COL25A1: variants seen among roughly 807,000 people sequenced by gnomAD.
COL25A1 encodes collagen type XXV alpha 1 chain.
A neutral mutation model predicts 128.4 loss-of-function variants in COL25A1; 103 were observed. The ratio of observed to expected loss-of-function variants is 0.80; its 90% CI spans 0.68 to 0.94. The LOEUF (loss-of-function observed/expected upper bound fraction) is 0.94, where lower values mean the gene tolerates loss of function less well. Among genes scored for constraint, COL25A1 ranks in the 40% least tolerant of loss-of-function variants. The probability of loss-of-function intolerance (pLI) is 0.00; values close to 1 mark genes in which losing one functional copy is unlikely to be tolerated. For missense variants in COL25A1, 745 were observed against 840.0 expected (o/e 0.89, Z 1.40); for synonymous variants, 279 against 277.2 (o/e 1.01, Z -0.06).
At chr4:109,063,736 A>G (rs1001533647) in intron 3 of COL25A1, among the ~76,000 whole-genome samples, 14 of 152,118 alleles carry the variant, frequency 9.2e-5, no homozygotes, top group African/African-American at 3.4e-4. Context: ...ATGAGACTAC[A>G]TTCACCGGAA....
chr4:108,992,853 A>T (rs994260740), intron 6 of COL25A1, among the ~76,000 whole-genome samples: 1 of 151,398 alleles, frequency 6.6e-6, no homozygotes, highest in Non-Finnish European at 1.5e-5. Flanking sequence ...TGTTCTTATT[A>T]TTCTATTTTT....
intron 6 of COL25A1, among the ~76,000 whole-genome samples, chr4:108,991,330 TA>T (rs1057023948): frequency 6.6e-6 from 1 of 152,180 alleles, no homozygotes; most frequent in Non-Finnish European, 1.5e-5. Flanking sequence ...CTACACCATT[TA>T]AATACACAAA....
intron 3 of COL25A1, among the ~76,000 whole-genome samples, chr4:109,179,366 C>T (rs1038249325): frequency 3.3e-5 from 5 of 152,220 alleles, no homozygotes; most frequent in African/African-American, 1.2e-4. Flanking sequence ...AAGCCCTGTA[C>T]CGTTCAACTA....
rs1225390782 is a variant in COL25A1, at chr4:108,940,641, G to T, written c.570C>A (p.Asp190Glu). 5.0e-6 allele frequency: 8 copies of T among 1,591,204 alleles called. No individual in the cohort carries two copies. The East Asian group carries it at 1.6e-4, about 31-fold the overall frequency. ...QLIKRRLIKG[D>E]QGQAGPPGPP... Reference sequence around the variant, plus strand: ...GTCCTGGAGGCCCTGCCTGTCCTTGGTCACCCTGTGATGGAGAAGGGAACA... The same window carrying T: ...GTCCTGGAGGCCCTGCCTGTCCTTGTTCACCCTGTGATGGAGAAGGGAACA... Residue 190 changes from aspartate to glutamate, a missense_variant, in exon 10 of 38, where the codon GAC becomes GAA. Transcript: ENST00000399132.
intron 8 of COL25A1, among the ~76,000 whole-genome samples, chr4:108,962,099 G>A (rs879383524): frequency 6.6e-6 from 1 of 152,098 alleles, no homozygotes; most frequent in East Asian, 1.9e-4. Context: ...CATCCCACAG[G>A]CTTCAAGCCA....
intron 3 of COL25A1, among the ~76,000 whole-genome samples, chr4:109,157,241 C>T (rs957395973): frequency 3.9e-5 from 6 of 152,020 alleles, no homozygotes; most frequent in East Asian, 3.9e-4. Context: ...TTTGACTCAA[C>T]AAAAATTACT....
At chr4:108,884,082 C>T in intron 19 of COL25A1, 96 bp downstream of exon 19, 5 of 1,240,562 alleles carry the variant, frequency 4.0e-6, no homozygotes, top group Non-Finnish European at 5.9e-6. Flanking sequence ...GAACAGCATT[C>T]TATTTTTAGT....
intron 3 of COL25A1, among the ~76,000 whole-genome samples, chr4:109,058,648 A>T (rs1258520358): frequency 5.3e-5 from 8 of 152,236 alleles, no homozygotes; most frequent in Admixed American, 1.3e-4. Context: ...AAATTTAAAA[A>T]GTGGGCTAAT....
chr4:109,019,702 C>A (rs3108327), intron 5 of COL25A1, among the ~76,000 whole-genome samples: 21 of 151,812 alleles, frequency 1.4e-4, no homozygotes, highest in African/African-American at 5.1e-4. Flanking sequence ...TCCCTTGACA[C>A]GTGGGGATTA....
intron 16 of COL25A1, among the ~76,000 whole-genome samples, chr4:108,892,696 A>G (rs1035146706): frequency 2.6e-5 from 4 of 152,008 alleles, no homozygotes; most frequent in Non-Finnish European, 4.4e-5. Context: ...AGAGACTGTC[A>G]TGTTTGGAAA....
intron 13 of COL25A1, among the ~76,000 whole-genome samples, chr4:108,902,776 A>G (rs1032575338): frequency 6.6e-6 from 1 of 151,978 alleles, no homozygotes; most frequent in African/African-American, 2.4e-5. Context: ...GTAAAATGGG[A>G]AAAAATGTTG....
chr4:108,866,288 G>C (rs1218116062), intron 20 of COL25A1, among the ~76,000 whole-genome samples: 2 of 151,106 alleles, frequency 1.3e-5, no homozygotes. Flanking sequence ...TGCCTCCTGG[G>C]CTCAGGTGAT....
intron 5 of COL25A1, among the ~76,000 whole-genome samples, chr4:109,045,510 T>G (rs552990138): frequency 6.6e-6 from 1 of 152,262 alleles, no homozygotes; most frequent in Non-Finnish European, 1.5e-5. Flanking sequence ...ATGCCAGAAA[T>G]TTGTTATAAA....
At chr4:109,244,919 T>C (rs1190877932) in intron 3 of COL25A1, among the ~76,000 whole-genome samples, 1 of 152,172 alleles carries the variant, frequency 6.6e-6, no homozygotes, top group African/African-American at 2.4e-5. Flanking sequence ...TATATTTATA[T>C]TTTTATAATC....
intron 37 of COL25A1, among the ~76,000 whole-genome samples, chr4:108,814,351 T>C (rs1379888944): frequency 6.6e-6 from 1 of 152,216 alleles, no homozygotes; most frequent in African/African-American, 2.4e-5. Context: ...GGGCTGAGGA[T>C]TGACCTCGAT....
At chr4:108,939,381 T>C (rs904135250) in intron 10 of COL25A1, among the ~76,000 whole-genome samples, 1 of 152,206 alleles carries the variant, frequency 6.6e-6, no homozygotes, top group Non-Finnish European at 1.5e-5. Context: ...TGAAAGACAA[T>C]TCCTCATTTT....
At chr4:109,090,027 T>G (rs906501556) in intron 3 of COL25A1, among the ~76,000 whole-genome samples, 21 of 152,118 alleles carry the variant, frequency 1.4e-4, no homozygotes, top group Admixed American at 1.4e-3. Flanking sequence ...TCAGTATATA[T>G]AAATGTAAAA....
intron 8 of COL25A1, among the ~76,000 whole-genome samples, chr4:108,966,943 A>C (rs1751373047): frequency 6.6e-6 from 1 of 151,252 alleles, no homozygotes; most frequent in African/African-American, 2.4e-5. Context: ...AAAGAAAGAG[A>C]GGAAAGAAAG....
At chr4:108,999,898 T>C (rs1317843544) in intron 6 of COL25A1, among the ~76,000 whole-genome samples, 2 of 151,996 alleles carry the variant, frequency 1.3e-5, no homozygotes, top group Non-Finnish European at 2.9e-5. Context: ...TTCTCACTCG[T>C]AGGTGGGAGA....
Sources: gnomAD v4.1 joint callset for allele counts (sites outside exome capture counted in the v4.1 genomes callset) on GRCh38, gnomAD v4.1.1 for gene constraint, MANE v1.5 for transcripts, NCBI Gene and HGNC (gene_info 2026-07-23, HGNC 2026-07-21) for gene names.